Variants in RAP1GAP2 observed in about 807,000 individuals in gnomAD.
The protein encoded by RAP1GAP2 is rap1 GTPase-activating protein 2.
A neutral mutation model predicts 95.0 loss-of-function variants in RAP1GAP2; 27 were observed. The ratio of observed to expected loss-of-function variants is 0.28; its 90% confidence interval spans 0.21 to 0.39. The LOEUF is 0.39. RAP1GAP2 is among the 10% of genes least tolerant of loss of function. RAP1GAP2 has a pLI of 1.00. For missense variants in RAP1GAP2, 771 were observed against 970.0 expected, an observed-to-expected ratio of 0.79 and a Z score of 2.72; for synonymous variants, 373 against 380.9, an observed-to-expected ratio of 0.98 and a Z score of 0.24.
rs764659078 is a variant in RAP1GAP2, at chr17:2,999,538, C to T, written c.1200+1162C>T. 3.3e-5 allele frequency among the ~76,000 whole-genome samples: 5 copies of T among 152,168 alleles called. No individual in the cohort carries two copies. In the East Asian group the frequency reaches 5.8e-4, roughly 18 times the overall value. On this transcript the variant is annotated intron_variant, in intron 14 of 24. Transcript: ENST00000254695. ...AACCATGAGGCCTGAAAATGTTTCC[C>T]GTCAAATAATTTCAGCCCATCCTGA...
At chr17:3,017,243 C>A (rs2046798819) in intron 17 of RAP1GAP2, among the ~76,000 whole-genome samples, 2 of 152,094 alleles carry the variant, frequency 1.3e-5, no homozygotes, top group African/African-American at 4.8e-5. Context: ...AAAGCCTTGA[C>A]CTCCCTGGTG....
chr17:2,896,618 T>C (rs1181848780), intron 2 of RAP1GAP2, among the ~76,000 whole-genome samples: 2 of 152,188 alleles, frequency 1.3e-5, no homozygotes, highest in African/African-American at 4.8e-5. Context: ...GTGGGTAGAT[T>C]GGTCCATCGC....
intron 3 of RAP1GAP2, among the ~76,000 whole-genome samples, chr17:2,944,161 C>CAAAAAAAAAAAAAA (rs36063732): frequency 2.4e-5 from 2 of 81,808 alleles, no homozygotes; most frequent in Non-Finnish European, 5.0e-5. Flanking sequence ...ACAGCAAAAC[C>CAAAAAAAAAAAAAA]AAAAAAAAAA....
chr17:2,764,448 C>T (rs1356504502), intron 1 of RAP1GAP2, among the ~76,000 whole-genome samples: 2 of 151,206 alleles, frequency 1.3e-5, no homozygotes, highest in African/African-American at 2.4e-5. Context: ...GAAGGCCAGG[C>T]GCGGTGGCTC....
intron 8 of RAP1GAP2, among the ~76,000 whole-genome samples, chr17:2,975,336 T>A (rs2045064720): frequency 6.6e-6 from 1 of 152,216 alleles, no homozygotes; most frequent in African/African-American, 2.4e-5. Context: ...CAAATTGAAT[T>A]AAAAATATAG....
intron 2 of RAP1GAP2, among the ~76,000 whole-genome samples, chr17:2,771,486 G>GTTTTTTTTTTTTTTTTTTT (rs566884358): frequency 8.1e-6 from 1 of 123,468 alleles, no homozygotes; most frequent in Non-Finnish European, 1.7e-5. Flanking sequence ...CCACTTTTTT[G>GTTTTTTTTTTTTTTTTTTT]TTTTTTTTTT....
intron 19 of RAP1GAP2, 109 bp from the exon 20 acceptor site, chr17:3,025,899 T>C: frequency 1.3e-6 from 1 of 784,672 alleles, no homozygotes; most frequent in African/African-American, 1.7e-5. Flanking sequence ...GGGGGCGCTC[T>C]GACCCCACTG....
At chr17:2,761,417 C>T (rs764563858) in intron 1 of RAP1GAP2, among the ~76,000 whole-genome samples, 1 of 151,014 alleles carries the variant, frequency 6.6e-6, no homozygotes, top group African/African-American at 2.4e-5. Context: ...GCCTCCCAAA[C>T]AGCTGGGATT....
intron 2 of RAP1GAP2, among the ~76,000 whole-genome samples, chr17:2,883,887 GA>G (rs2073391960): frequency 6.6e-6 from 1 of 152,240 alleles, no homozygotes; most frequent in South Asian, 2.1e-4. Context: ...TCCAGGGAGG[GA>G]CCCAGAATGG....
At chr17:2,891,785 C>CTGATG (rs925006719) in intron 2 of RAP1GAP2, among the ~76,000 whole-genome samples, 2 of 134,102 alleles carry the variant, frequency 1.5e-5, no homozygotes, top group African/African-American at 2.8e-5. Context: ...GTTGAAAAGT[C>CTGATG]TGATGATATG....
At chr17:2,848,816 G>C (rs559315345) in intron 2 of RAP1GAP2, among the ~76,000 whole-genome samples, 33 of 152,138 alleles carry the variant, frequency 2.2e-4, no homozygotes, top group Middle Eastern at 6.8e-3. Flanking sequence ...ACCCGGCCCA[G>C]CTCTCACTTT....
rs778387873 is a variant in RAP1GAP2 at position 3,020,497 on chromosome 17, G to A, written c.1653G>A (p.Thr551=). 2.2e-5 allele frequency: 36 copies of A among 1,613,654 alleles called. No homozygotes were observed. The highest frequency in any genetic ancestry group is 8.0e-5 in the African/African-American group (6 of 74,928). ...TTFSPPVVAA[T]VKNQSRSPIK... is the part of the protein sequence containing the mutation. ...GACAGCCTCCAGTGGTGGCGGCAAC[G>A]GTGAAGAACCAGTCACGGAGTCCCA... Residue 551 remains threonine, a synonymous_variant, in exon 19 of 25, where the codon ACG becomes ACA. Coordinates refer to ENST00000254695, the MANE Select transcript of RAP1GAP2 (RefSeq NM_015085.5).
At chr17:2,766,527 T>G (rs1322576047) in intron 1 of RAP1GAP2, among the ~76,000 whole-genome samples, 1 of 151,906 alleles carries the variant, frequency 6.6e-6, no homozygotes, top group African/African-American at 2.4e-5. Context: ...GGAGAATTGC[T>G]TGAACCCAGG....
intron 1 of RAP1GAP2, among the ~76,000 whole-genome samples, chr17:2,766,412 C>T (rs757154237): frequency 1.3e-4 from 20 of 151,908 alleles, no homozygotes; most frequent in Non-Finnish European, 2.8e-4. Flanking sequence ...GCCAGGTGGG[C>T]GAATCACCAG....
At chr17:2,844,526 G>C (rs2071502843) in intron 2 of RAP1GAP2, among the ~76,000 whole-genome samples, 1 of 152,220 alleles carries the variant, frequency 6.6e-6, no homozygotes, top group East Asian at 1.9e-4. Context: ...TGGAAAGCTT[G>C]CACATTGCAG....
rs2044656991 is a variant in RAP1GAP2, at chr17:2,967,322, G to T, written c.596+1679G>T. On this transcript the variant is annotated intron_variant, in intron 8 of 24. Transcript: ENST00000254695. ...GGAAGCAGAGGTTGCAGTGAGCAAG[G>T]ATCGCACCACTGCACTCCAGCCTGG... 2.6e-5 allele frequency among the ~76,000 whole-genome samples: 4 copies of T among 152,136 alleles called. No individual in the cohort carries two copies. In the South Asian group the frequency reaches 8.3e-4, roughly 32 times the overall value.
intron 3 of RAP1GAP2, among the ~76,000 whole-genome samples, chr17:2,948,639 T>C (rs2043797963): frequency 6.7e-6 from 1 of 148,334 alleles, no homozygotes; most frequent in African/African-American, 2.5e-5. Context: ...TGTCCATGTG[T>C]AGAGCTGCTG....
chr17:2,890,149 C>T (rs564312940), intron 2 of RAP1GAP2, among the ~76,000 whole-genome samples: 1 of 151,988 alleles, frequency 6.6e-6, no homozygotes, highest in Admixed American at 6.6e-5. Context: ...TCTGGACACT[C>T]GTCTTCCAGG....
At chr17:2,893,035 C>CT (rs894715955) in intron 2 of RAP1GAP2, among the ~76,000 whole-genome samples, 5 of 149,312 alleles carry the variant, frequency 3.3e-5, no homozygotes, top group South Asian at 2.1e-4. Context: ...TTTCTTTTTT[C>CT]TTTTTTTTTG....
Sources: allele counts gnomAD v4.1 joint callset (sites outside exome capture counted in the v4.1 genomes callset), GRCh38; gene constraint gnomAD v4.1.1; transcripts MANE v1.5; gene names NCBI Gene and HGNC (gene_info 2026-07-23, HGNC 2026-07-21).